DNAH7: variants seen among roughly 807,000 people sequenced by gnomAD.
DNAH7 encodes the protein dynein axonemal heavy chain 7.
In DNAH7, 397 loss-of-function variants were observed where a neutral mutation model predicts 444.6. That is an observed-to-expected ratio of 0.89 (90% confidence interval 0.82 to 0.97). DNAH7 has a LOEUF of 0.97. DNAH7 is among the 50% of genes least tolerant of loss of function. DNAH7 has a pLI of 0.00. For synonymous variants in DNAH7, 1,636 were observed against 1,624.4 expected (o/e 1.01, Z -0.17); for missense variants, 4,902 against 4,800.8 (o/e 1.02, Z -0.62).
chr2:196,001,122 G>A (rs565438393), intron 11 of DNAH7, among the ~76,000 whole-genome samples: 15 of 152,140 alleles, frequency 9.9e-5, no homozygotes, highest in South Asian at 2.1e-4. Context: ...AAAAACAAGC[G>A]TACATAGCAG....
intron 61 of DNAH7, 75 bp from the exon 62 acceptor site, chr2:195,756,360 C>T (rs1180481007): frequency 3.2e-6 from 4 of 1,251,864 alleles, no homozygotes; most frequent in Non-Finnish European, 4.3e-6. Flanking sequence ...TTTTAAATAC[C>T]TCCTTCATGA....
At chr2:195,935,569 C>T (rs1574819074) in intron 20 of DNAH7, among the ~76,000 whole-genome samples, 1 of 152,290 alleles carries the variant, frequency 6.6e-6, no homozygotes, top group South Asian at 2.1e-4. Flanking sequence ...CAAAAAATCT[C>T]TACCATGGTG....
intron 3 of DNAH7, among the ~76,000 whole-genome samples, chr2:196,050,943 T>C (rs1324974452): frequency 6.6e-6 from 1 of 152,226 alleles, no homozygotes. Context: ...AATACTCCTT[T>C]TGCTAACCAA....
chr2:195,806,112 T>A (rs1445544432), intron 54 of DNAH7, among the ~76,000 whole-genome samples: 2 of 152,300 alleles, frequency 1.3e-5, no homozygotes, highest in East Asian at 3.9e-4. Context: ...TGTCTATTTT[T>A]TTTTTTTAGA....
At chr2:195,984,575 T>C in intron 15 of DNAH7, 57 bp downstream of exon 15, 1 of 1,470,828 alleles carries the variant, frequency 6.8e-7, no homozygotes, top group Non-Finnish European at 9.5e-7. Context: ...TACTCCGCAT[T>C]ATTGTGTCAA....
chr2:196,046,519 T>C (rs1322487386), intron 5 of DNAH7, among the ~76,000 whole-genome samples: 2 of 151,950 alleles, frequency 1.3e-5, no homozygotes. Flanking sequence ...GATCTGAGAG[T>C]GCTTAAGTCA....
At chr2:195,786,893 C>T in intron 58 of DNAH7, 117 bp downstream of exon 58, 1 of 1,082,136 alleles carries the variant, frequency 9.2e-7, no homozygotes, top group Non-Finnish European at 1.3e-6. Context: ...TTGGGAACTA[C>T]TCTCCTATTC....
At chr2:195,862,618 C>T (rs1700088790) in intron 41 of DNAH7, among the ~76,000 whole-genome samples, 1 of 152,102 alleles carries the variant, frequency 6.6e-6, no homozygotes, top group African/African-American at 2.4e-5. Flanking sequence ...TCCTGTGCTC[C>T]TGTCACCCTG....
chr2:196,041,852 TCAA>T (rs1233408138), intron 5 of DNAH7, among the ~76,000 whole-genome samples: 2 of 151,308 alleles, frequency 1.3e-5, no homozygotes, highest in African/African-American at 2.4e-5. Flanking sequence ...CTCAAACAAC[TCAA>T]CAACAAATAA....
intron 21 of DNAH7, among the ~76,000 whole-genome samples, chr2:195,928,741 A>C (rs1688499970): frequency 1.0e-4 from 1 of 9,682 alleles, no homozygotes; most frequent in African/African-American, 1.2e-4. Flanking sequence ...AGCCATATTT[A>C]ACAGAAACAT....
chr2:195,858,006 T>C (rs1452229255), intron 43 of DNAH7, among the ~76,000 whole-genome samples: 1 of 152,186 alleles, frequency 6.6e-6, no homozygotes, highest in Non-Finnish European at 1.5e-5. Context: ...ATCTAAGACA[T>C]TGCTATTGTA....
intron 9 of DNAH7, among the ~76,000 whole-genome samples, chr2:196,018,206 T>C (rs1216472260): frequency 2.0e-5 from 3 of 152,134 alleles, no homozygotes; most frequent in Non-Finnish European, 4.4e-5. Flanking sequence ...GATTCCCTAG[T>C]AGTCTAGCAA....
intron 24 of DNAH7, among the ~76,000 whole-genome samples, chr2:195,921,390 CACA>C (rs1688014782): frequency 6.8e-6 from 1 of 146,496 alleles, no homozygotes; most frequent in Admixed American, 6.7e-5. Context: ...CACACACACA[CACA>C]CCATGGAATA....
At chr2:195,972,157 CAAATA>C (rs1159865138) in intron 16 of DNAH7, 80 bp downstream of exon 16, 15 of 1,137,194 alleles carry the variant, frequency 1.3e-5, no homozygotes, top group Admixed American at 9.6e-5. Context: ...AGTATGCACT[CAAATA>C]AAATAATTGA....
In DNAH7 at chr2:195,816,689, A is replaced by T; in HGVS notation, c.9700T>A (p.Phe3234Ile). Reference protein sequence around the residue: ...EPMYQYSLTWFINLFILSIEN... With the variant: ...EPMYQYSLTWIINLFILSIEN... ...ATAGACAGGATGAAAAGGTTAATAA[A>T]CCAGGTCAGTGAATACTGGTACATG... Residue 3234 changes from phenylalanine to isoleucine, a missense_variant, in exon 51 of 65, where the codon TTT (phenylalanine) becomes ATT (isoleucine). Physicochemically the swap from Phe to Ile is conservative, Grantham distance 21 (BLOSUM62 0). Coordinates refer to ENST00000312428, the MANE Select transcript of DNAH7 (RefSeq NM_018897.3). 1 of 1,614,194 alleles carries T rather than the reference A, an allele frequency of 6.2e-7. No homozygotes were observed. Among genetic ancestry groups the T allele is most frequent in the Non-Finnish European group, 8.5e-7 (1 of 1,180,016 alleles).
chr2:195,931,392 A>G (rs1181845175), intron 21 of DNAH7, among the ~76,000 whole-genome samples: 3 of 151,836 alleles, frequency 2.0e-5, no homozygotes, highest in East Asian at 3.9e-4. Context: ...CTCTGATGGT[A>G]GTTTCTTTTG....
rs1038683701 is a variant in DNAH7, at chr2:195,861,622, C to T, written c.7736+95G>A. 29 of 822,446 alleles carry T rather than the reference C, an allele frequency of 3.5e-5. No individual in the cohort carries two copies. The Admixed American group carries it at 3.7e-4, about 10-fold the overall frequency. 50.9% of individuals were successfully genotyped at this position (822,446 alleles called of 1,614,324 possible). A position where few individuals can be genotyped will look rare whatever the true frequency, so the allele number is the denominator to read the frequency against. ...TAACAAAACTTACAGTATATTTCTA[C>T]GAAATAAATCTCCATTATATATTAT... is the stretch of plus-strand genomic sequence containing the variant. On this transcript the variant is annotated intron_variant, in intron 42 of 64. Coordinates refer to ENST00000312428, the MANE Select transcript of DNAH7 (RefSeq NM_018897.3).
At chr2:195,965,827 C>T (rs560249488) in intron 17 of DNAH7, among the ~76,000 whole-genome samples, 49 of 151,956 alleles carry the variant, frequency 3.2e-4, no homozygotes, top group African/African-American at 8.9e-4. Context: ...TTTTTCATTT[C>T]GATTTTACTC....
At chr2:195,794,114 A>T (rs962616750) in intron 57 of DNAH7, among the ~76,000 whole-genome samples, 1 of 152,194 alleles carries the variant, frequency 6.6e-6, no homozygotes, top group African/African-American at 2.4e-5. Context: ...ATGACACCCC[A>T]TAAGATCTCA....
Sources: allele counts gnomAD v4.1 joint callset (sites outside exome capture counted in the v4.1 genomes callset), GRCh38; gene constraint gnomAD v4.1.1; transcripts MANE v1.5; gene names NCBI Gene and HGNC (gene_info 2026-07-23, HGNC 2026-07-21).